LARGE1: variants seen among roughly 807,000 people sequenced by gnomAD.
LARGE1 encodes the protein LARGE xylosyl- and glucuronyltransferase 1, also known as xylosyl- and glucuronyltransferase LARGE1.
Under a neutral mutation model 87.6 loss-of-function variants are expected in LARGE1, and 43 were observed. The observed-to-expected ratio is 0.49, with a 90% confidence interval of 0.38 to 0.63. The LOEUF (loss-of-function observed/expected upper bound fraction) is 0.63, where lower values mean the gene tolerates loss of function less well. Among genes scored for constraint, LARGE1 ranks in the 30% least tolerant of loss-of-function variants. The pLI is 0.00. For synonymous variants in LARGE1, 434 were observed against 394.6 expected, an observed-to-expected ratio of 1.10 and a Z score of -1.18; for missense variants, 802 against 1,000.2, an observed-to-expected ratio of 0.80 and a Z score of 2.67.
At chr22:33,711,348 C>A (rs985730998) in intron 2 of LARGE1, among the ~76,000 whole-genome samples, 1 of 152,184 alleles carries the variant, frequency 6.6e-6, no homozygotes, top group East Asian at 1.9e-4. Flanking sequence ...AGGGTTCTAA[C>A]CCCTGTGTTA....
chr22:33,612,260 T>C (rs1229383059), intron 4 of LARGE1, among the ~76,000 whole-genome samples: 2 of 152,082 alleles, frequency 1.3e-5, no homozygotes, highest in South Asian at 2.1e-4. Flanking sequence ...CCCACCACCA[T>C]GCCCGGCTAA....
At chr22:33,467,376 C>G (rs2068660110) in intron 6 of LARGE1, among the ~76,000 whole-genome samples, 1 of 152,200 alleles carries the variant, frequency 6.6e-6, no homozygotes, top group South Asian at 2.1e-4. Context: ...TAACTAGTCC[C>G]TCTTTCCTTA....
intron 6 of LARGE1, among the ~76,000 whole-genome samples, chr22:33,532,643 TATC>T (rs1251736654): frequency 6.6e-6 from 1 of 152,228 alleles, no homozygotes; most frequent in South Asian, 2.1e-4. Flanking sequence ...AAATTATTCT[TATC>T]ATCATCATCC....
chr22:33,324,465 G>A (rs929742930), intron 10 of LARGE1, among the ~76,000 whole-genome samples: 6 of 151,962 alleles, frequency 3.9e-5, no homozygotes, highest in Non-Finnish European at 7.4e-5. Flanking sequence ...GGGAACAGAG[G>A]GCTCCTGACA....
the LARGE1 span, among the ~76,000 whole-genome samples, chr22:33,066,862 C>T: frequency 9.2e-5 from 14 of 152,248 alleles, no homozygotes; most frequent in East Asian, 1.4e-3. Context: ...AACTTGCCAT[C>T]GGCAAGAACA....
intron 1 of LARGE1, among the ~76,000 whole-genome samples, chr22:33,882,100 T>C (rs2146764829): frequency 6.7e-6 from 1 of 150,368 alleles, no homozygotes; most frequent in East Asian, 2.0e-4. Flanking sequence ...TGGAGTGCAG[T>C]GGCACGATCT....
At chr22:33,089,971 TA>T in the LARGE1 span, among the ~76,000 whole-genome samples, 92 of 150,092 alleles carry the variant, frequency 6.1e-4, no homozygotes, top group East Asian at 0.012. Flanking sequence ...ATGAAATGAT[TA>T]AAAAAAAAAA....
At chr22:33,374,750 G>T (rs2064936889) in intron 9 of LARGE1, among the ~76,000 whole-genome samples, 1 of 151,484 alleles carries the variant, frequency 6.6e-6, no homozygotes, top group African/African-American at 2.4e-5. Flanking sequence ...TACATTTATG[G>T]GTATCTACCC....
intron 9 of LARGE1, among the ~76,000 whole-genome samples, chr22:33,352,264 C>G (rs890265189): frequency 9.9e-5 from 15 of 152,116 alleles, no homozygotes; most frequent in African/African-American, 3.6e-4. Context: ...TTAGAAACTA[C>G]CTGACCAGTA....
chr22:33,826,438 G>A (rs1440417016), intron 1 of LARGE1, among the ~76,000 whole-genome samples: 1 of 151,396 alleles, frequency 6.6e-6, no homozygotes, highest in Non-Finnish European at 1.5e-5. Flanking sequence ...CGCCTCCTGG[G>A]TTCAAGCAGT....
chr22:33,806,308 C>G (rs1424675470), intron 1 of LARGE1, among the ~76,000 whole-genome samples: 1 of 152,160 alleles, frequency 6.6e-6, no homozygotes, highest in African/African-American at 2.4e-5. Flanking sequence ...GAAACCAAAA[C>G]CAGAAGTGGG....
chr22:33,787,541 C>A (rs2085688226), intron 1 of LARGE1, among the ~76,000 whole-genome samples: 1 of 152,200 alleles, frequency 6.6e-6, no homozygotes, highest in Non-Finnish European at 1.5e-5. Flanking sequence ...CAAGTCAACT[C>A]CAAAGTCTTC....
intron 1 of LARGE1, among the ~76,000 whole-genome samples, chr22:33,766,408 C>A (rs2084901859): frequency 6.6e-6 from 1 of 152,016 alleles, no homozygotes; most frequent in Non-Finnish European, 1.5e-5. Flanking sequence ...TTGTATGAAC[C>A]CAAAAAAATC....
intron 2 of LARGE1, among the ~76,000 whole-genome samples, chr22:33,674,686 C>A (rs1008219859): frequency 2.0e-5 from 3 of 152,142 alleles, no homozygotes; most frequent in Non-Finnish European, 2.9e-5. Context: ...TCTCTGTCTA[C>A]ACACTCCCAT....
chr22:33,082,805 C>T, the LARGE1 span, among the ~76,000 whole-genome samples: 1 of 152,092 alleles, frequency 6.6e-6, no homozygotes, highest in African/African-American at 2.4e-5. Flanking sequence ...GTGGGTGGAT[C>T]ATGAGGTCAG....
chr22:33,503,201 G>C (rs1569219485), intron 6 of LARGE1, among the ~76,000 whole-genome samples: 1 of 151,342 alleles, frequency 6.6e-6, no homozygotes, highest in Non-Finnish European at 1.5e-5. Flanking sequence ...CAGTGGCCAA[G>C]AAATGGTCCA....
chr22:33,720,667 C>T (rs892994705), intron 2 of LARGE1, among the ~76,000 whole-genome samples: 1 of 152,200 alleles, frequency 6.6e-6, no homozygotes, highest in African/African-American at 2.4e-5. Context: ...GAGAATGTGG[C>T]CTGTGGTTAC....
chr22:33,131,267 G>T, the LARGE1 span, among the ~76,000 whole-genome samples: 9,649 of 152,006 alleles, frequency 0.063, 314 homozygotes, highest in Middle Eastern at 0.14. Flanking sequence ...TTCTACTTTT[G>T]TCCCCATCCC....
At chr22:33,263,290 T>C (rs975040779) in intron 11 of LARGE1, among the ~76,000 whole-genome samples, 1 of 152,210 alleles carries the variant, frequency 6.6e-6, no homozygotes, top group African/African-American at 2.4e-5. Context: ...TGTATCTCCC[T>C]ATATAATCTC....
Sources: allele counts gnomAD v4.1 joint callset (sites outside exome capture counted in the v4.1 genomes callset), GRCh38; gene constraint gnomAD v4.1.1; transcripts MANE v1.5; gene names NCBI Gene and HGNC (gene_info 2026-07-23, HGNC 2026-07-21).